The following STX7 variants were observed in gnomAD, a reference collection of about 807,000 sequenced individuals.
STX7 encodes the protein syntaxin 7.
Under a neutral mutation model 39.6 loss-of-function variants are expected in STX7, and 34 were observed. The observed-to-expected ratio is 0.86, with a 90% CI of 0.65 to 1.14. The LOEUF is 1.14. Among genes scored for constraint, STX7 ranks in the 50% most tolerant of loss-of-function variants. The pLI is 0.00. For synonymous variants in STX7, 119 were observed against 99.1 expected (o/e 1.20, Z -1.19); for missense variants, 284 against 310.4 (o/e 0.92, Z 0.64).
intron 2 of STX7, among the ~76,000 whole-genome samples, chr6:132,485,188 T>C (rs1582665912): frequency 6.6e-6 from 1 of 152,192 alleles, no homozygotes; most frequent in Non-Finnish European, 1.5e-5. Flanking sequence ...GCATATCTGT[T>C]CCTTCCCCCC....
At chr6:132,484,381 G>C (rs976199989) in intron 2 of STX7, among the ~76,000 whole-genome samples, 1 of 152,084 alleles carries the variant, frequency 6.6e-6, no homozygotes, top group Non-Finnish European at 1.5e-5. Context: ...AAGCTTTACA[G>C]TAAAGAATAG....
At position 132,456,764 on chromosome 6, in the gene STX7, A is replaced by G. The variant is rs1161669469; in HGVS notation, c.*3994T>C. ...TGTACATCTCAGTGTTTGTTTCACA[A>G]TTATGCTAGACTGTCAACTCACTTC... is the stretch of plus-strand genomic sequence containing the variant. On this transcript the variant is annotated 3_prime_UTR_variant, in exon 10 of 10. Coordinates refer to ENST00000367941, the MANE Select transcript of STX7 (RefSeq NM_003569.3). The G allele has an allele frequency of 6.6e-6, 1 of 152,204 alleles. No homozygotes were observed. The highest frequency in any genetic ancestry group is 2.4e-5 in the African/African-American group (1 of 41,450). 9.4% of individuals were successfully genotyped at this position (152,204 alleles called of 1,614,324 possible). A position where few individuals can be genotyped will look rare whatever the true frequency, so the allele number is the denominator to read the frequency against.
At chr6:132,497,911 G>A (rs1210924418) in intron 2 of STX7, among the ~76,000 whole-genome samples, 2 of 152,146 alleles carry the variant, frequency 1.3e-5, no homozygotes, top group Non-Finnish European at 2.9e-5. Context: ...CTAAATCTAA[G>A]CCTTTCTAAG....
rs922791639 is a variant in STX7, at chr6:132,456,218, T to G, written c.*4540A>C. 2 of 152,168 alleles carry G rather than the reference T, an allele frequency of 1.3e-5. No individual in the cohort carries two copies. The highest frequency in any genetic ancestry group is 6.5e-5 in the Admixed American group (1 of 15,272). 9.4% of individuals were successfully genotyped at this position (152,168 alleles called of 1,614,324 possible). A position where few individuals can be genotyped will look rare whatever the true frequency, so the allele number is the denominator to read the frequency against. ...CTTTAGAAAACTAGCAATTTTCTGGTAGTCTGTCAATTAAGAAAAGAAAAT... is the reference window on the plus strand; with the variant it reads ...CTTTAGAAAACTAGCAATTTTCTGGGAGTCTGTCAATTAAGAAAAGAAAAT... On this transcript the variant is annotated 3_prime_UTR_variant, in exon 10 of 10. Coordinates refer to ENST00000367941, the MANE Select transcript of STX7 (RefSeq NM_003569.3).
At chr6:132,511,398 A>C (rs1049459497) in intron 1 of STX7, among the ~76,000 whole-genome samples, 2 of 152,084 alleles carry the variant, frequency 1.3e-5, no homozygotes, top group African/African-American at 4.8e-5. Flanking sequence ...CTTTGTGACC[A>C]CTCTGATATG....
intron 2 of STX7, among the ~76,000 whole-genome samples, chr6:132,476,580 G>A (rs1174664650): frequency 1.3e-5 from 2 of 151,924 alleles, no homozygotes; most frequent in Admixed American, 1.3e-4. Flanking sequence ...AAAATCATAG[G>A]GACAACTGGA....
chr6:132,479,286 T>C (rs924043983), intron 2 of STX7, among the ~76,000 whole-genome samples: 3 of 152,024 alleles, frequency 2.0e-5, no homozygotes, highest in African/African-American at 7.3e-5. Context: ...CAAGTGGTGG[T>C]ATAAGCAGAT....
intron 2 of STX7, among the ~76,000 whole-genome samples, chr6:132,483,309 A>G (rs889963664): frequency 6.6e-5 from 10 of 152,178 alleles, no homozygotes; most frequent in African/African-American, 2.4e-4. Context: ...TGCTATGTAA[A>G]TTGTTATAGT....
intron 9 of STX7, among the ~76,000 whole-genome samples, chr6:132,462,285 A>C (rs1373310218): frequency 6.6e-6 from 1 of 152,224 alleles, no homozygotes; most frequent in East Asian, 1.9e-4. Flanking sequence ...GAACTATTGG[A>C]AAGCTGCCTC....
At position 132,460,684 on chromosome 6, in the gene STX7, T is replaced by TA. The variant is rs1242766966; in HGVS notation, c.*73dup. 22 of 1,184,134 alleles carry TA rather than the reference T, an allele frequency of 1.9e-5. No individual in the cohort carries two copies. The highest frequency in any genetic ancestry group is 2.2e-5 in the Non-Finnish European group (18 of 826,072). 73.4% of individuals were successfully genotyped at this position (1,184,134 alleles called of 1,614,324 possible). On this transcript the variant is annotated 3_prime_UTR_variant, in exon 10 of 10. Transcript: ENST00000367941. ...TATACAATAGCTTTAAAATAATAAT[T>TA]AAAAAAACATGATTACAGGAATCTT...
At chr6:132,498,125 C>T (rs1775461580) in intron 2 of STX7, among the ~76,000 whole-genome samples, 1 of 152,116 alleles carries the variant, frequency 6.6e-6, no homozygotes, top group Admixed American at 6.5e-5. Flanking sequence ...ACGGAGTCAA[C>T]GCTTTCTCTC....
intron 3 of STX7, among the ~76,000 whole-genome samples, chr6:132,473,823 A>C (rs1348568038): frequency 6.6e-6 from 1 of 152,136 alleles, no homozygotes; most frequent in Non-Finnish European, 1.5e-5. Flanking sequence ...AGGGATCTGT[A>C]TTTGACTGAC....
At chr6:132,462,987 T>G (rs2114352664) in intron 9 of STX7, among the ~76,000 whole-genome samples, 1 of 152,236 alleles carries the variant, frequency 6.6e-6, no homozygotes, top group East Asian at 1.9e-4. Context: ...TTTGGGAGAC[T>G]GAGATGGGTG....
intron 3 of STX7, among the ~76,000 whole-genome samples, chr6:132,473,839 G>T (rs1774801446): frequency 1.3e-5 from 2 of 151,944 alleles, no homozygotes. Context: ...CTGACAAAGG[G>T]TAATTAAAAT....
chr6:132,482,811 G>A (rs547324733), intron 2 of STX7, among the ~76,000 whole-genome samples: 8 of 152,066 alleles, frequency 5.3e-5, no homozygotes, highest in African/African-American at 1.9e-4. Flanking sequence ...CTCTTTCTCT[G>A]GGTTTTATGA....
intron 2 of STX7, among the ~76,000 whole-genome samples, chr6:132,476,935 C>G (rs897184587): frequency 6.6e-6 from 1 of 152,080 alleles, no homozygotes; most frequent in African/African-American, 2.4e-5. Context: ...CTAACCCCCT[C>G]ATTCTTTTTA....
chr6:132,475,557 T>G, intron 3 of STX7, 36 bp downstream of exon 3: 1 of 1,451,688 alleles, frequency 6.9e-7, no homozygotes, highest in Non-Finnish European at 9.4e-7. Context: ...AATAGAGTTT[T>G]TTCTTTCTCT....
Position 132,470,052 on chromosome 6 carries a change from C to A in STX7, c.441-5G>T. 1 of 1,568,974 alleles carries A rather than the reference C, an allele frequency of 6.4e-7. No individual in the cohort carries two copies. Among genetic ancestry groups the A allele is most frequent in the Admixed American group, 2.1e-5 (1 of 48,276 alleles). On this transcript the variant is annotated splice_polypyrimidine_tract_variant and splice_region_variant and intron_variant, in intron 6 of 9. Transcript: ENST00000367941. Reference sequence around the variant, plus strand: ...TGCACTTGAGGTTGAGTTTGGCTAACAGAAAAAAATGAATGTGGAAAAAAA... The same window carrying A: ...TGCACTTGAGGTTGAGTTTGGCTAAAAGAAAAAAATGAATGTGGAAAAAAA...
chr6:132,469,152 T>C (rs1774641223), intron 7 of STX7, among the ~76,000 whole-genome samples: 1 of 152,224 alleles, frequency 6.6e-6, no homozygotes, highest in South Asian at 2.1e-4. Context: ...TGTTAGCTAT[T>C]ATTAGCCTTC....
Sources: gnomAD v4.1 joint callset for allele counts (sites outside exome capture counted in the v4.1 genomes callset) on GRCh38, gnomAD v4.1.1 for gene constraint, MANE v1.5 for transcripts, NCBI Gene and HGNC (gene_info 2026-07-23, HGNC 2026-07-21) for gene names.